Variants in ZC3H12B observed in about 807,000 individuals in gnomAD.
ZC3H12B encodes probable ribonuclease ZC3H12B.
In ZC3H12B, 7 loss-of-function variants were observed where a neutral mutation model predicts 43.9. That is an observed-to-expected ratio of 0.16 (90% confidence interval 0.09 to 0.30). The LOEUF (loss-of-function observed/expected upper bound fraction) is 0.30. Ranked by LOEUF, ZC3H12B falls within the 10% of genes least tolerant of loss-of-function variation. The pLI, the probability that ZC3H12B is intolerant of heterozygous loss-of-function variation, is 1.00. For missense variants in ZC3H12B, 475 were observed against 670.2 expected, an observed-to-expected ratio of 0.71 and a Z score of 3.22; for synonymous variants, 222 against 241.7, an observed-to-expected ratio of 0.92 and a Z score of 0.76.
the ZC3H12B span, among the ~76,000 whole-genome samples, chrX:65,165,271 TA>T: frequency 1.8e-5 from 2 of 112,244 alleles, no homozygotes; most frequent in African/African-American, 6.5e-5. Flanking sequence ...AAATTTATTT[TA>T]TTTATTTTAC....
chrX:65,196,339 G>T, the ZC3H12B span, among the ~76,000 whole-genome samples: 1 of 111,155 alleles, frequency 9.0e-6, no homozygotes, highest in East Asian at 2.8e-4. Flanking sequence ...GTGAAAAAAG[G>T]AACTGCGGGG....
At chrX:65,382,112 A>G (rs763856084) in intron 2 of ZC3H12B, among the ~76,000 whole-genome samples, 3 of 112,065 alleles carry the variant, frequency 2.7e-5, no homozygotes, top group African/African-American at 9.7e-5. Context: ...TGAGGCCAGC[A>G]TCATCCTGAT....
chrX:65,372,679 T>G (rs2066264655), intron 2 of ZC3H12B, among the ~76,000 whole-genome samples: 1 of 111,685 alleles, frequency 9.0e-6, no homozygotes, highest in Non-Finnish European at 1.9e-5. Context: ...AACTTTCAAT[T>G]TTCTTATTTG....
chrX:65,237,548 C>CT, the ZC3H12B span, among the ~76,000 whole-genome samples: 14,567 of 102,997 alleles, frequency 0.14, 2,597 homozygotes, highest in African/African-American at 0.48. Flanking sequence ...AGTTGAATGC[C>CT]TTTTTTTTTT....
At chrX:65,086,562 A>T in the ZC3H12B span, among the ~76,000 whole-genome samples, 1 of 111,384 alleles carries the variant, frequency 9.0e-6, no homozygotes, top group Non-Finnish European at 1.9e-5. Flanking sequence ...TTAGGAGGTT[A>T]TTAGGTTATA....
the ZC3H12B span, among the ~76,000 whole-genome samples, chrX:65,143,756 G>A: frequency 9.2e-6 from 1 of 108,186 alleles, no homozygotes; most frequent in African/African-American, 3.4e-5. Flanking sequence ...TTTAATAGCG[G>A]TGGGGTTTTG....
the ZC3H12B span, among the ~76,000 whole-genome samples, chrX:65,174,576 A>T: frequency 8.9e-6 from 1 of 111,993 alleles, no homozygotes; most frequent in African/African-American, 3.2e-5. Context: ...ATGCCCTGCC[A>T]GCGAGGAGGA....
At chrX:65,281,703 C>A in the ZC3H12B span, among the ~76,000 whole-genome samples, 1 of 112,471 alleles carries the variant, frequency 8.9e-6, no homozygotes, top group African/African-American at 3.2e-5. Context: ...AATGTCATAG[C>A]TGAAATGTAA....
At chrX:65,058,874 C>T in the ZC3H12B span, among the ~76,000 whole-genome samples, 1 of 112,255 alleles carries the variant, frequency 8.9e-6, no homozygotes, top group Non-Finnish European at 1.9e-5. Flanking sequence ...ACCCTCCGAG[C>T]CAGGCGCGGG....
the ZC3H12B span, among the ~76,000 whole-genome samples, chrX:65,160,919 C>T: frequency 1.3e-4 from 14 of 110,996 alleles, no homozygotes; most frequent in Non-Finnish European, 2.1e-4. Context: ...TTTCCCTCTA[C>T]ACAGTGCTTT....
chrX:65,181,906 A>C, the ZC3H12B span, among the ~76,000 whole-genome samples: 3 of 112,050 alleles, frequency 2.7e-5, no homozygotes. Flanking sequence ...TACTGTGTAT[A>C]TACCCAAAGG....
At chrX:65,135,390 A>T in the ZC3H12B span, among the ~76,000 whole-genome samples, 30 of 109,024 alleles carry the variant, frequency 2.8e-4, no homozygotes, top group Admixed American at 2.3e-3. Flanking sequence ...TTATTTTTTT[A>T]AATTTCTTTT....
Position 65,468,340 on chromosome X carries a change from T to C in ZC3H12B, n.408-20306T>C, listed in dbSNP as rs986182651. Among the ~76,000 whole-genome samples, 3 of 111,948 alleles carry C rather than the reference T, an allele frequency of 2.7e-5. No individual in the cohort carries two copies. In the Admixed American group the frequency reaches 2.9e-4, roughly 11 times the overall value. ...ATCTACTTTTATACCATTACCATGC[T>C]GTTTTGATTACTATAGCCTTGTAGA... is the stretch of plus-strand genomic sequence containing the variant. On this transcript the variant is annotated intron_variant and non_coding_transcript_variant, in intron 3 of 5. Coordinates refer to the ZC3H12B transcript ENST00000617377.
chrX:65,126,732 A>C, the ZC3H12B span, among the ~76,000 whole-genome samples: 6 of 104,662 alleles, frequency 5.7e-5, no homozygotes, highest in Admixed American at 6.3e-4. Context: ...AGGTTAGTTC[A>C]AAAGCCTTGT....
chrX:65,259,547 T>C, the ZC3H12B span, among the ~76,000 whole-genome samples: 2 of 111,480 alleles, frequency 1.8e-5, no homozygotes, highest in African/African-American at 6.5e-5. Context: ...GCAAGTGAAA[T>C]AAAATTGACA....
At position 65,479,067 on chromosome X, in the gene ZC3H12B, A is replaced by G. The variant is rs2068031626; in HGVS notation, n.408-9579A>G. 2.7e-5 allele frequency among the ~76,000 whole-genome samples: 3 copies of G among 112,358 alleles called. No homozygotes were observed. In the South Asian group the frequency reaches 1.1e-3, roughly 41 times the overall value. On this transcript the variant is annotated intron_variant and non_coding_transcript_variant, in intron 3 of 5. Transcript: ENST00000617377. ...GAGCTCTAAATCACATCAAATAAAC[A>G]CAAGCCCTTGAAAAAGTCAGGTTTT...
Position 65,456,633 on chromosome X carries a change from G to A in ZC3H12B, n.408-32013G>A, listed in dbSNP as rs1236478523. ...TTCGTTTTTTTTTTTTGGTGGAGAC[G>A]GGGTTTTGCTGTGTTGGCCGGGCTG... On this transcript the variant is annotated intron_variant and non_coding_transcript_variant, in intron 3 of 5. Transcript: ENST00000617377. Among the ~76,000 whole-genome samples the A allele has an allele frequency of 2.2e-3, 235 of 106,483 alleles. 1 individual carries two copies. The highest frequency in any genetic ancestry group is 7.5e-3 in the African/African-American group (220 of 29,196). The allele number at this position is 106,483 out of a possible 115,157, so 92.5% of individuals were successfully genotyped here.
intron 3 of ZC3H12B, among the ~76,000 whole-genome samples, chrX:65,436,675 T>C (rs947737501): frequency 9.0e-6 from 1 of 111,712 alleles, no homozygotes; most frequent in African/African-American, 3.3e-5. Context: ...CCCTTCACTT[T>C]TTAAAAAAAC....
At chrX:65,159,374 A>G in the ZC3H12B span, among the ~76,000 whole-genome samples, 1 of 111,757 alleles carries the variant, frequency 8.9e-6, no homozygotes, top group Non-Finnish European at 1.9e-5. Flanking sequence ...GGCCGTTTTC[A>G]TGGTATTGAT....
Sources: allele counts gnomAD v4.1 joint callset (sites outside exome capture counted in the v4.1 genomes callset), GRCh38; gene constraint gnomAD v4.1.1; transcripts MANE v1.5; gene names NCBI Gene and HGNC (gene_info 2026-07-23, HGNC 2026-07-21).